Variants in GSK3B observed in about 807,000 individuals in gnomAD.
GSK3B encodes glycogen synthase kinase-3 beta.
GSK3B carries 15 observed loss-of-function variants against 56.4 expected under a neutral mutation model. That is an observed-to-expected ratio of 0.27 (90% CI 0.18 to 0.41). The LOEUF is 0.41. Among genes scored for constraint, GSK3B ranks in the 10% least tolerant of loss-of-function variants. GSK3B has a pLI of 1.00. For synonymous variants in GSK3B, 181 were observed against 188.9 expected, an observed-to-expected ratio of 0.96 and a Z score of 0.34; for missense variants, 300 against 513.4, an observed-to-expected ratio of 0.58 and a Z score of 4.02.
chr3:119,874,558 G>C (rs1219509966), intron 8 of GSK3B, among the ~76,000 whole-genome samples: 1 of 151,780 alleles, frequency 6.6e-6, no homozygotes, highest in African/African-American at 2.4e-5. Context: ...AATAATGGAG[G>C]ATGGGGACTG....
At chr3:120,034,288 T>C (rs2058004005) in intron 1 of GSK3B, among the ~76,000 whole-genome samples, 2 of 152,246 alleles carry the variant, frequency 1.3e-5, no homozygotes, top group African/African-American at 4.8e-5. Flanking sequence ...AAGAAGCCAC[T>C]GCCTACCCAA....
intron 2 of GSK3B, among the ~76,000 whole-genome samples, chr3:119,954,309 G>GA (rs1225426870): frequency 7.4e-6 from 1 of 135,916 alleles, no homozygotes; most frequent in Non-Finnish European, 1.7e-5. Context: ...GAATAGAAAA[G>GA]AAACAGAACA....
At position 120,002,031 on chromosome 3, in the gene GSK3B, T is replaced by A. The variant is rs201302096; in HGVS notation, c.282+15A>T. 9.2e-6 allele frequency: 14 copies of A among 1,526,640 alleles called. No individual in the cohort carries two copies. The highest frequency in any genetic ancestry group is 1.2e-5 in the Non-Finnish European group (14 of 1,125,144). 94.6% of individuals were successfully genotyped at this position (1,526,640 alleles called of 1,614,324 possible). Reference sequence around the variant, plus strand: ...TACGACAGCAACAAAATATATGAAATACTGGACATTTTACCTTAAATCTCT... The same window carrying A: ...TACGACAGCAACAAAATATATGAAAAACTGGACATTTTACCTTAAATCTCT... On this transcript the variant is annotated intron_variant, in intron 2 of 10. Coordinates refer to ENST00000264235, the MANE Select transcript of GSK3B (RefSeq NM_001146156.2).
chr3:120,039,387 T>C (rs2058048214), intron 1 of GSK3B, among the ~76,000 whole-genome samples: 1 of 152,236 alleles, frequency 6.6e-6, no homozygotes, highest in South Asian at 2.1e-4. Flanking sequence ...TAAGATACAA[T>C]GAATTTTTCT....
At chr3:120,018,368 G>A (rs1043917271) in intron 1 of GSK3B, among the ~76,000 whole-genome samples, 2 of 152,014 alleles carry the variant, frequency 1.3e-5, no homozygotes, top group East Asian at 3.9e-4. Flanking sequence ...GGTTCCATAG[G>A]GCCAACTTTC....
chr3:120,086,431 T>C (rs1338688439), intron 1 of GSK3B, among the ~76,000 whole-genome samples: 1 of 152,192 alleles, frequency 6.6e-6, no homozygotes, highest in East Asian at 1.9e-4. Flanking sequence ...AAATTACAGA[T>C]ATTTTATGTA....
At position 119,923,447 on chromosome 3, in the gene GSK3B, C is replaced by T. The variant is rs972600014; in HGVS notation, c.403G>A (p.Val135Ile). 26 of 1,602,356 alleles carry T rather than the reference C, an allele frequency of 1.6e-5. No individual in the cohort carries two copies. Among genetic ancestry groups the T allele is most frequent in the Non-Finnish European group, 2.1e-5 (25 of 1,171,098 alleles). Residue 135 changes from valine (V) to isoleucine (I), a missense_variant, in exon 4 of 11, where the codon GTT becomes ATT. By Grantham distance (29) the Val-to-Ile change is conservative. Coordinates refer to ENST00000264235, the MANE Select transcript of GSK3B (RefSeq NM_001146156.2). ...EVYLNLVLDY[V>I]PETVYRVARH... is the part of the protein sequence containing the mutation. ...GCAACTCTGTATACTGTTTCCGGAACATAGTCCAGCACCAGATTAAGATAG... is the reference window on the plus strand; with the variant it reads ...GCAACTCTGTATACTGTTTCCGGAATATAGTCCAGCACCAGATTAAGATAG...
At chr3:119,839,930 A>ATTTCT (rs2055748448) in intron 10 of GSK3B, among the ~76,000 whole-genome samples, 1 of 152,144 alleles carries the variant, frequency 6.6e-6, no homozygotes, top group Non-Finnish European at 1.5e-5. Flanking sequence ...GGTGATTAGA[A>ATTTCT]ATTCTTTGAA....
At chr3:119,922,699 C>T (rs2056855190) in intron 4 of GSK3B, among the ~76,000 whole-genome samples, 1 of 151,608 alleles carries the variant, frequency 6.6e-6, no homozygotes, top group Non-Finnish European at 1.5e-5. Flanking sequence ...CAGTTATTTC[C>T]ATAAAGGGTT....
At chr3:119,965,213 C>T (rs1353388703) in intron 2 of GSK3B, among the ~76,000 whole-genome samples, 3 of 150,086 alleles carry the variant, frequency 2.0e-5, no homozygotes, top group African/African-American at 7.3e-5. Flanking sequence ...CCACCAAGTC[C>T]GACTAATTTT....
At chr3:120,005,683 A>C (rs1212224048) in intron 1 of GSK3B, among the ~76,000 whole-genome samples, 1 of 152,362 alleles carries the variant, frequency 6.6e-6, no homozygotes, top group Non-Finnish European at 1.5e-5. Context: ...ACTAAGCTTC[A>C]TAAGTGAAGG....
At chr3:119,917,498 C>T (rs1447254578) in intron 4 of GSK3B, among the ~76,000 whole-genome samples, 1 of 152,022 alleles carries the variant, frequency 6.6e-6, no homozygotes, top group African/African-American at 2.4e-5. Context: ...GAATCCATTT[C>T]TAAGTCCTAA....
At chr3:120,014,519 A>C (rs1238151680) in intron 1 of GSK3B, among the ~76,000 whole-genome samples, 1 of 152,304 alleles carries the variant, frequency 6.6e-6, no homozygotes, top group East Asian at 1.9e-4. Flanking sequence ...TGTTGGAACA[A>C]ATGAAACTAT....
At chr3:119,907,830 C>T (rs1204788798) in intron 6 of GSK3B, among the ~76,000 whole-genome samples, 1 of 152,090 alleles carries the variant, frequency 6.6e-6, no homozygotes, top group Non-Finnish European at 1.5e-5. Flanking sequence ...TTCTCAATTC[C>T]CAATCAAAAC....
intron 8 of GSK3B, chr3:119,866,528 G>A: frequency 5.2e-6 from 5 of 967,272 alleles, no homozygotes; most frequent in Non-Finnish European, 8.4e-6. Context: ...TCTCAAAGAA[G>A]ATTTCCCCCA....
chr3:120,091,626 C>T (rs2058513330), intron 1 of GSK3B, among the ~76,000 whole-genome samples: 1 of 152,048 alleles, frequency 6.6e-6, no homozygotes, highest in Admixed American at 6.5e-5. Flanking sequence ...GTAAAACATA[C>T]AAACACTCCA....
chr3:119,852,134 A>C (rs1434336602), intron 9 of GSK3B, among the ~76,000 whole-genome samples: 1 of 152,190 alleles, frequency 6.6e-6, no homozygotes, highest in Admixed American at 6.5e-5. Flanking sequence ...CTGTTTTGGT[A>C]ATACTGGTGA....
chr3:120,022,681 T>A (rs969191649), intron 1 of GSK3B, among the ~76,000 whole-genome samples: 3 of 152,198 alleles, frequency 2.0e-5, no homozygotes, highest in African/African-American at 7.2e-5. Flanking sequence ...GGAAGAGTAC[T>A]GTCAGATTAA....
At chr3:119,862,089 CTTT>C (rs562186811) in intron 9 of GSK3B, among the ~76,000 whole-genome samples, 1 of 135,842 alleles carries the variant, frequency 7.4e-6, no homozygotes, top group Non-Finnish European at 1.5e-5. Flanking sequence ...TAAAAGTCTT[CTTT>C]TTTTTTTTTT....
Sources: gnomAD v4.1 joint callset for allele counts (sites outside exome capture counted in the v4.1 genomes callset) on GRCh38, gnomAD v4.1.1 for gene constraint, MANE v1.5 for transcripts, NCBI Gene and HGNC (gene_info 2026-07-23, HGNC 2026-07-21) for gene names.